The following PTPRT variants were observed in gnomAD, a reference collection of about 807,000 sequenced individuals.
PTPRT encodes the protein receptor-type tyrosine-protein phosphatase T.
A neutral mutation model predicts 176.8 loss-of-function variants in PTPRT; 56 were observed. The observed-to-expected ratio is 0.32, with a 90% confidence interval of 0.26 to 0.40. PTPRT has a LOEUF of 0.40. Among genes scored for constraint, PTPRT ranks in the 10% least tolerant of loss-of-function variants. PTPRT has a pLI of 1.00. For missense variants in PTPRT, 1,540 were observed against 1,908.2 expected, an observed-to-expected ratio of 0.81 and a Z score of 3.60; for synonymous variants, 783 against 739.0, an observed-to-expected ratio of 1.06 and a Z score of -0.96.
chr20:43,037,649 G>GTTT (rs371756335), intron 1 of PTPRT, among the ~76,000 whole-genome samples: 1 of 151,308 alleles, frequency 6.6e-6, no homozygotes, highest in African/African-American at 2.4e-5. Flanking sequence ...TCTGAAACCT[G>GTTT]TTTTTTTTTG....
At chr20:42,963,920 A>T (rs1480247710) in intron 1 of PTPRT, among the ~76,000 whole-genome samples, 1 of 152,198 alleles carries the variant, frequency 6.6e-6, no homozygotes, top group Non-Finnish European at 1.5e-5. Context: ...TAAGGGCCAA[A>T]CAGCAAATAG....
chr20:42,680,368 T>C (rs1174858203), intron 6 of PTPRT, among the ~76,000 whole-genome samples: 1 of 152,232 alleles, frequency 6.6e-6, no homozygotes, highest in Non-Finnish European at 1.5e-5. Flanking sequence ...TGGAGGTTAT[T>C]ACTCAAGACC....
At position 42,885,932 on chromosome 20, in the gene PTPRT, C is replaced by T; in HGVS notation, c.89G>A (p.Gly30Asp). The T allele has an allele frequency of 6.2e-7, 1 of 1,603,744 alleles. No individual in the cohort carries two copies. Among genetic ancestry groups the T allele is most frequent in the Non-Finnish European group, 8.5e-7 (1 of 1,173,232 alleles). Residue 30 changes from glycine (G) to aspartate (D), a missense_variant and splice_region_variant, in exon 2 of 31, where the codon GGT (glycine) becomes GAT (aspartate). Transcript: ENST00000373187. ...LPGARAQSAA[G>D]GCSFDEHYSN... ...GTAGTGCTCATCAAAGGAACAGCCA[C>T]CTGTAGACAAAAGAGATATGGGTAA...
At chr20:43,016,552 C>CTTTTTTT (rs11482189) in intron 1 of PTPRT, among the ~76,000 whole-genome samples, 1 of 76,234 alleles carries the variant, frequency 1.3e-5, no homozygotes, top group African/African-American at 7.0e-5. Context: ...TCTAAGGCCA[C>CTTTTTTT]TTTTTTTTTT....
intron 12 of PTPRT, among the ~76,000 whole-genome samples, chr20:42,298,693 C>A (rs924052568): frequency 9.9e-5 from 15 of 152,086 alleles, no homozygotes; most frequent in African/African-American, 3.1e-4. Context: ...GAGGCTGAGG[C>A]GGGCTGATCA....
chr20:42,434,710 C>A (rs1166626527), intron 9 of PTPRT, among the ~76,000 whole-genome samples: 1 of 150,016 alleles, frequency 6.7e-6, no homozygotes, highest in Admixed American at 6.7e-5. Context: ...GCCTGTAATC[C>A]CAGCACTTTG....
chr20:42,753,599 G>C (rs1813109965), intron 6 of PTPRT, among the ~76,000 whole-genome samples: 1 of 152,194 alleles, frequency 6.6e-6, no homozygotes, highest in Non-Finnish European at 1.5e-5. Context: ...GGAGTGGCAG[G>C]GGCTGCAGGT....
At chr20:42,153,649 C>T (rs1349869667) in intron 17 of PTPRT, among the ~76,000 whole-genome samples, 2 of 152,174 alleles carry the variant, frequency 1.3e-5, no homozygotes, top group African/African-American at 2.4e-5. Flanking sequence ...CTCTATTCCT[C>T]CCAGCTGTGA....
At chr20:42,317,518 C>A (rs770604001) in intron 11 of PTPRT, among the ~76,000 whole-genome samples, 1 of 152,048 alleles carries the variant, frequency 6.6e-6, no homozygotes, top group Non-Finnish European at 1.5e-5. Flanking sequence ...GAGGTGGTTG[C>A]AGTAGGGGAC....
intron 7 of PTPRT, among the ~76,000 whole-genome samples, chr20:42,496,980 G>C (rs956258879): frequency 1.3e-5 from 2 of 152,082 alleles, no homozygotes; most frequent in African/African-American, 4.8e-5. Flanking sequence ...CAACTCATTG[G>C]GTTCTAGGGG....
At chr20:42,759,482 G>A (rs1335394839) in intron 5 of PTPRT, among the ~76,000 whole-genome samples, 4 of 152,114 alleles carry the variant, frequency 2.6e-5, no homozygotes, top group African/African-American at 2.4e-5. Flanking sequence ...TGGCTAATAC[G>A]GTGAAACCCA....
At chr20:43,117,579 C>T (rs1379690462) in intron 1 of PTPRT, among the ~76,000 whole-genome samples, 1 of 152,162 alleles carries the variant, frequency 6.6e-6, no homozygotes, top group Non-Finnish European at 1.5e-5. Context: ...GCTCCATCCT[C>T]ATCCACGCAC....
At chr20:42,730,871 A>G (rs2076450179) in intron 6 of PTPRT, among the ~76,000 whole-genome samples, 1 of 152,150 alleles carries the variant, frequency 6.6e-6, no homozygotes, top group African/African-American at 2.4e-5. Flanking sequence ...GGGTTGACTG[A>G]TCCCTCGGTT....
chr20:42,968,684 C>G (rs1166124791), intron 1 of PTPRT: 2 of 152,198 alleles, frequency 1.3e-5, no homozygotes, highest in African/African-American at 4.8e-5. Flanking sequence ...CTCACAATGA[C>G]CTGGTGAGGT....
At chr20:43,111,208 G>A (rs2012845674) in intron 1 of PTPRT, among the ~76,000 whole-genome samples, 1 of 152,084 alleles carries the variant, frequency 6.6e-6, no homozygotes, top group Admixed American at 6.6e-5. Context: ...ATAGGAGTAA[G>A]TCTCTGTTCA....
At chr20:43,115,183 T>C (rs77523064) in intron 1 of PTPRT, among the ~76,000 whole-genome samples, 1,849 of 152,302 alleles carry the variant, frequency 0.012, 19 homozygotes, top group East Asian at 0.048. Context: ...GGCCTCCTCC[T>C]TCTTGGGAAA....
At chr20:42,301,572 G>T (rs1157630563) in intron 12 of PTPRT, among the ~76,000 whole-genome samples, 1 of 152,144 alleles carries the variant, frequency 6.6e-6, no homozygotes, top group Non-Finnish European at 1.5e-5. Context: ...TTGTATTGTA[G>T]TTATGTTGGA....
chr20:42,608,300 G>A (rs369708801), intron 7 of PTPRT, among the ~76,000 whole-genome samples: 7 of 152,146 alleles, frequency 4.6e-5, no homozygotes, highest in South Asian at 2.1e-4. Context: ...AAAGAGGACC[G>A]TTGCCAGAAA....
At chr20:43,028,669 A>G (rs991462043) in intron 1 of PTPRT, among the ~76,000 whole-genome samples, 2 of 152,198 alleles carry the variant, frequency 1.3e-5, no homozygotes, top group African/African-American at 4.8e-5. Flanking sequence ...GCTAAGTGCT[A>G]CTTCCTTTGT....
Sources: gnomAD v4.1 joint callset for allele counts (sites outside exome capture counted in the v4.1 genomes callset) on GRCh38, gnomAD v4.1.1 for gene constraint, MANE v1.5 for transcripts, NCBI Gene and HGNC (gene_info 2026-07-23, HGNC 2026-07-21) for gene names.